Variants in SDK2 observed in about 807,000 individuals in gnomAD.
SDK2 encodes the protein protein sidekick-2.
A neutral mutation model predicts 253.9 loss-of-function variants in SDK2; 105 were observed. That is an observed-to-expected ratio of 0.41 (90% CI 0.35 to 0.49). The LOEUF is 0.49. Among genes scored for constraint, SDK2 ranks in the 20% least tolerant of loss-of-function variants. The probability of loss-of-function intolerance (pLI) is 0.06; values close to 1 mark genes in which losing one functional copy is unlikely to be tolerated. For missense variants in SDK2, 2,608 were observed against 3,003.0 expected, an observed-to-expected ratio of 0.87 and a Z score of 3.07; for synonymous variants, 1,249 against 1,234.9, an observed-to-expected ratio of 1.01 and a Z score of -0.24.
intron 36 of SDK2, chr17:73,369,114 C>T (rs757410970): frequency 4.3e-6 from 2 of 467,964 alleles, no homozygotes; most frequent in South Asian, 3.1e-5. Flanking sequence ...AACTCCAGGG[C>T]ATGGCCCCCA....
At chr17:73,401,448 G>A (rs1026844822) in intron 20 of SDK2, among the ~76,000 whole-genome samples, 1 of 152,204 alleles carries the variant, frequency 6.6e-6, no homozygotes, top group Non-Finnish European at 1.5e-5. Context: ...CAGCCACTGA[G>A]ATCTGTGGCA....
intron 1 of SDK2, among the ~76,000 whole-genome samples, chr17:73,627,042 C>T (rs2046211004): frequency 6.6e-6 from 1 of 152,216 alleles, no homozygotes; most frequent in East Asian, 1.9e-4. Context: ...CTGGTGAACA[C>T]TGCCAGCATG....
chr17:73,381,129 G>A (rs1484086860), intron 33 of SDK2, among the ~76,000 whole-genome samples, 179 bp from the exon 34 acceptor site: 1 of 152,234 alleles, frequency 6.6e-6, no homozygotes, highest in Non-Finnish European at 1.5e-5. Flanking sequence ...TAACAGGGTT[G>A]TGGGGGCAGG....
intron 1 of SDK2, chr17:73,521,531 GC>G (rs2064079470): frequency 6.6e-6 from 1 of 152,284 alleles, no homozygotes; most frequent in Non-Finnish European, 1.5e-5. Flanking sequence ...CCATCATCTG[GC>G]TCCTGCCTTC....
intron 1 of SDK2, among the ~76,000 whole-genome samples, chr17:73,606,891 T>C (rs910242390): frequency 6.6e-6 from 1 of 151,924 alleles, no homozygotes; most frequent in African/African-American, 2.4e-5. Context: ...GCATGCTGAG[T>C]GGAGCAGCTC....
chr17:73,366,761 A>G (rs1373080821), intron 37 of SDK2, among the ~76,000 whole-genome samples: 3 of 151,946 alleles, frequency 2.0e-5, no homozygotes, highest in Admixed American at 1.3e-4. Context: ...GGCTTCTGGG[A>G]GGGTTAAGTG....
At position 73,483,231 on chromosome 17, in the gene SDK2, C is replaced by A. The variant is rs2063737786; in HGVS notation, c.225-11013G>T. Among the ~76,000 whole-genome samples, 6 of 151,232 alleles carry A rather than the reference C, an allele frequency of 4.0e-5. No individual in the cohort carries two copies. In the South Asian group the frequency reaches 1.0e-3, roughly 26 times the overall value. ...ATGCAGGAGCTGTGTCTGAGCCCAG[C>A]TGGGAGAGAGCCGCTACATAGATGG... On this transcript the variant is annotated intron_variant, in intron 2 of 44. Transcript: ENST00000392650.
intron 1 of SDK2, among the ~76,000 whole-genome samples, chr17:73,617,302 A>T (rs1475906930): frequency 2.2e-5 from 3 of 137,396 alleles, no homozygotes; most frequent in Non-Finnish European, 4.8e-5. Context: ...GGCCTCCTGC[A>T]GAGGGGAGGG....
intron 36 of SDK2, among the ~76,000 whole-genome samples, chr17:73,376,464 G>A (rs2062782190): frequency 6.6e-6 from 1 of 152,216 alleles, no homozygotes. Context: ...GCTTCGGTGT[G>A]CTCATGGGTT....
Position 73,416,868 on chromosome 17 carries a change from C to T in SDK2, c.2187-876G>A, listed in dbSNP as rs191205159. On this transcript the variant is annotated intron_variant, in intron 16 of 44. Transcript: ENST00000392650. ...CCTCCCAAAGTGCTGGGATTATAGG[C>T]GTGAGCCACCATGCCCAGCTACACA... Among the ~76,000 whole-genome samples the T allele has an allele frequency of 2.4e-3, 358 of 152,136 alleles. 2 individuals carry two copies. Among genetic ancestry groups the T allele is most frequent in the African/African-American group, 8.2e-3 (342 of 41,506 alleles).
At chr17:73,562,982 C>T (rs114050266) in intron 1 of SDK2, among the ~76,000 whole-genome samples, 2,689 of 152,270 alleles carry the variant, frequency 0.018, 94 homozygotes, top group African/African-American at 0.061. Context: ...CGGACCTGGG[C>T]ACTTGAAGCC....
chr17:73,439,540 G>A (rs2063397817), intron 6 of SDK2, among the ~76,000 whole-genome samples: 1 of 152,028 alleles, frequency 6.6e-6, no homozygotes, highest in Non-Finnish European at 1.5e-5. Context: ...GGGCAACATA[G>A]TGAGACCCTG....
intron 36 of SDK2, among the ~76,000 whole-genome samples, 178 bp from the exon 37 acceptor site, chr17:73,368,771 A>G (rs2062708708): frequency 6.6e-6 from 1 of 152,128 alleles, no homozygotes; most frequent in African/African-American, 2.4e-5. Flanking sequence ...GCACTTTGGG[A>G]GGCAGAGGTG....
intron 1 of SDK2, among the ~76,000 whole-genome samples, chr17:73,575,731 A>C (rs2045449284): frequency 2.0e-5 from 3 of 151,098 alleles, no homozygotes; most frequent in Non-Finnish European, 4.4e-5. Flanking sequence ...AGTTGAATAG[A>C]CAATCTTTGT....
At chr17:73,357,640 G>C (rs2062602615) in intron 40 of SDK2, 1 of 291,254 alleles carries the variant, frequency 3.4e-6, no homozygotes, top group Non-Finnish European at 6.5e-6. Flanking sequence ...TCAATTTCAG[G>C]CTTGACAGGA....
chr17:73,380,924 G>A lies in SDK2; in HGVS notation c.4732C>T (p.Arg1578Trp), dbSNP rs1351663972. ...TSMYSMRNLS[R>W]PSLTQYELDN... ...AGCTCGTACTGCGTGAGGCTGGGCCGGCTCAGGTTCCGCATGGAGTACATG... is the reference window on the plus strand; with the variant it reads ...AGCTCGTACTGCGTGAGGCTGGGCCAGCTCAGGTTCCGCATGGAGTACATG... Residue 1578 changes from arginine to tryptophan, a missense_variant, in exon 34 of 45, where the codon CGG (arginine) becomes TGG (tryptophan). Physicochemically the swap from Arg to Trp is moderately radical, Grantham distance 101 (BLOSUM62 -3). This residue lies in a region of SDK2 where 1,103 missense variants were observed against 1,143.9 expected (regional missense o/e 0.96). Transcript: ENST00000392650. 3 of 1,568,110 alleles carry A rather than the reference G, an allele frequency of 1.9e-6. No individual in the cohort carries two copies. Among genetic ancestry groups the A allele is most frequent in the East Asian group, 2.4e-5 (1 of 42,298 alleles).
At chr17:73,605,258 T>C (rs1662745468) in intron 1 of SDK2, among the ~76,000 whole-genome samples, 1 of 151,722 alleles carries the variant, frequency 6.6e-6, no homozygotes, top group African/African-American at 2.4e-5. Context: ...TCAAGAGAAA[T>C]TGCTAAGGTT....
intron 1 of SDK2, among the ~76,000 whole-genome samples, chr17:73,575,460 A>G (rs1340805234): frequency 1.3e-5 from 2 of 152,234 alleles, no homozygotes; most frequent in African/African-American, 4.8e-5. Flanking sequence ...AAAGTGGCAT[A>G]GCAATGTGGA....
In SDK2 at chr17:73,570,110, G is replaced by T. The variant is rs1284320393; in HGVS notation, c.65-62513C>A. Among the ~76,000 whole-genome samples, 2 of 152,094 alleles carry T rather than the reference G, an allele frequency of 1.3e-5. No individual in the cohort carries two copies. Among genetic ancestry groups the T allele is most frequent in the Non-Finnish European group, 2.9e-5 (2 of 67,992 alleles). ...CATGACTCTCCCCAGAGCCCCTCGGGACGGCCCCCCAGAGCCCCTCTTGGG... is the reference window on the plus strand; with the variant it reads ...CATGACTCTCCCCAGAGCCCCTCGGTACGGCCCCCCAGAGCCCCTCTTGGG... On this transcript the variant is annotated intron_variant, in intron 1 of 44. Transcript: ENST00000392650. The surrounding 1 kb of genome is among the most constrained non-coding windows in gnomAD (Gnocchi z 4.2).
Sources: allele counts gnomAD v4.1 joint callset (sites outside exome capture counted in the v4.1 genomes callset), GRCh38; gene constraint gnomAD v4.1.1; regional missense constraint gnomAD v4.1.1; non-coding constraint Gnocchi (gnomAD v3.1); transcripts MANE v1.5; gene names NCBI Gene and HGNC (gene_info 2026-07-23, HGNC 2026-07-21).